MASP1: variants seen among roughly 807,000 people sequenced by gnomAD.
MASP1 encodes the protein mannan-binding lectin serine protease 1.
In MASP1, 59 loss-of-function variants were observed where a neutral mutation model predicts 77.1. The observed-to-expected ratio is 0.77, with a 90% CI of 0.62 to 0.95. The LOEUF is 0.95. Ranked by LOEUF, MASP1 falls within the 40% of genes least tolerant of loss-of-function variation. The pLI, the probability that MASP1 is intolerant of heterozygous loss-of-function variation, is 0.00. For synonymous variants in MASP1, 362 were observed against 354.5 expected (o/e 1.02, Z -0.24); for missense variants, 885 against 912.9 (o/e 0.97, Z 0.39).
chr3:187,227,118 A>G (rs1211896532), intron 11 of MASP1, among the ~76,000 whole-genome samples: 2 of 152,260 alleles, frequency 1.3e-5, no homozygotes, highest in East Asian at 1.9e-4. Flanking sequence ...ACCTATATCT[A>G]GACCATTTAT....
intron 15 of MASP1, chr3:187,220,298 C>T (rs756352356): frequency 1.3e-6 from 2 of 1,584,442 alleles, no homozygotes; most frequent in Admixed American, 1.7e-5. Context: ...GATAAAATGC[C>T]CCTTCCCAGC....
At chr3:187,289,897 T>C (rs1418517772) in intron 1 of MASP1, among the ~76,000 whole-genome samples, 1 of 152,230 alleles carries the variant, frequency 6.6e-6, no homozygotes, top group Non-Finnish European at 1.5e-5. Flanking sequence ...GAAACCCCCA[T>C]GAGACAGTGC....
At position 187,253,202 on chromosome 3, in the gene MASP1, C is replaced by G. The variant is rs752357767; in HGVS notation, c.858G>C (p.Glu286Asp). 3 of 1,614,170 alleles carry G rather than the reference C, an allele frequency of 1.9e-6. No homozygotes were observed. Among genetic ancestry groups the G allele is most frequent in the East Asian group, 4.5e-5 (2 of 44,876 alleles). The change falls in exon 6 of 11, where the codon GAG becomes GAC. Residue 286 changes from glutamate (E) to aspartate (D), a missense_variant. By Grantham distance (45) the Glu-to-Asp change is conservative. Coordinates refer to ENST00000296280, the MANE Select transcript of MASP1 (RefSeq NM_139125.4). Reference protein sequence around the residue: ...LILFHSDNSGENRGWRLSYRA... With the variant: ...LILFHSDNSGDNRGWRLSYRA... ...TGTATGAGAGCCTCCAGCCCCGGTT[C>G]TCTCCCGAGTTGTCACTATGGAACA...
intron 8 of MASP1, among the ~76,000 whole-genome samples, chr3:187,248,154 T>C (rs1714259010): frequency 2.0e-5 from 3 of 152,200 alleles, no homozygotes; most frequent in South Asian, 2.1e-4. Context: ...CAGCCTATTT[T>C]GGGAGAATAG....
chr3:187,253,110 C>A, intron 6 of MASP1, 58 bp downstream of exon 6: 5 of 1,608,580 alleles, frequency 3.1e-6, no homozygotes, highest in Non-Finnish European at 3.4e-6. Context: ...CCCTCAGCCA[C>A]TGCCTCTGCA....
At chr3:187,279,573 C>T (rs896908928) in intron 2 of MASP1, among the ~76,000 whole-genome samples, 1 of 152,196 alleles carries the variant, frequency 6.6e-6, no homozygotes, top group Non-Finnish European at 1.5e-5. Context: ...GGAGCACATG[C>T]TTAAACCCAA....
At chr3:187,291,021 G>A (rs1718281326) in intron 1 of MASP1, among the ~76,000 whole-genome samples, 1 of 150,682 alleles carries the variant, frequency 6.6e-6, no homozygotes, top group Non-Finnish European at 1.5e-5. Context: ...AGAGCCATTT[G>A]GTGTACTTCA....
rs145045070 is a variant in MASP1 at position 187,243,636 on chromosome 3, G to A, written c.1091-15C>T. ...ACAGTCTACAACTGAGAGAGAAGAA[G>A]TGAGACCCCTCAACTGCCTTTTGCT... On this transcript the variant is annotated splice_polypyrimidine_tract_variant and intron_variant, in intron 8 of 10. Transcript: ENST00000296280. 1.9e-6 allele frequency: 3 copies of A among 1,614,074 alleles called. No individual in the cohort carries two copies. Among genetic ancestry groups the A allele is most frequent in the East Asian group, 2.2e-5 (1 of 44,890 alleles).
At chr3:187,288,110 C>T (rs1033927869) in intron 1 of MASP1, among the ~76,000 whole-genome samples, 7 of 151,986 alleles carry the variant, frequency 4.6e-5, no homozygotes, top group African/African-American at 7.3e-5. Flanking sequence ...AAAGAAAATA[C>T]ATTTATTTAA....
chr3:187,273,664 C>G (rs1716715963), intron 2 of MASP1, among the ~76,000 whole-genome samples: 1 of 152,166 alleles, frequency 6.6e-6, no homozygotes, highest in Non-Finnish European at 1.5e-5. Context: ...CACCAGGTAG[C>G]TTTAATTTCA....
At chr3:187,277,591 G>A (rs1292221139) in intron 2 of MASP1, among the ~76,000 whole-genome samples, 1 of 152,086 alleles carries the variant, frequency 6.6e-6, no homozygotes, top group Non-Finnish European at 1.5e-5. Context: ...AACACAACAG[G>A]ACCCCTTCCA....
chr3:187,238,788 C>T (rs887108355), intron 10 of MASP1, among the ~76,000 whole-genome samples: 15 of 152,196 alleles, frequency 9.9e-5, no homozygotes, highest in African/African-American at 3.6e-4. Flanking sequence ...ATAGTTTTCT[C>T]ATTTATAAAA....
chr3:187,220,434 G>T (rs1326468484), intron 15 of MASP1, among the ~76,000 whole-genome samples: 1 of 151,482 alleles, frequency 6.6e-6, no homozygotes, highest in African/African-American at 2.4e-5. Context: ...GAGCTCAAAT[G>T]ATTCTAAAAA....
chr3:187,251,179 C>T (rs1175143394), intron 7 of MASP1, among the ~76,000 whole-genome samples: 1 of 152,150 alleles, frequency 6.6e-6, no homozygotes, highest in Admixed American at 6.5e-5. Flanking sequence ...AGGCTGGTCT[C>T]AAACTCCTGA....
At chr3:187,226,249 T>G in intron 12 of MASP1, 1 of 668,362 alleles carries the variant, frequency 1.5e-6, no homozygotes, top group African/African-American at 1.8e-5. Context: ...GAATCATATC[T>G]TGCACTTGGA....
At chr3:187,257,704 C>G (rs2108554247) in intron 4 of MASP1, among the ~76,000 whole-genome samples, 1 of 152,270 alleles carries the variant, frequency 6.6e-6, no homozygotes, top group South Asian at 2.1e-4. Context: ...ATTTTAAATT[C>G]AGCCTGAAGG....
chr3:187,238,674 T>C (rs958588707), intron 10 of MASP1, among the ~76,000 whole-genome samples: 5 of 152,204 alleles, frequency 3.3e-5, no homozygotes, highest in Non-Finnish European at 7.3e-5. Context: ...GGTAAAAAAA[T>C]GGCTCGGCAT....
chr3:187,221,051 A>C (rs1712031055), exon 15 of MASP1: 1 of 1,614,030 alleles, frequency 6.2e-7, no homozygotes. Flanking sequence ...TCTCCCCAGC[A>C]CAGATCATGT....
chr3:187,291,337 C>T, intron 1 of MASP1: 1 of 522,510 alleles, frequency 1.9e-6, no homozygotes. Flanking sequence ...TCACATTCGC[C>T]AGCAGGCAGC....
Sources: gnomAD v4.1 joint callset for allele counts (sites outside exome capture counted in the v4.1 genomes callset) on GRCh38, gnomAD v4.1.1 for gene constraint, MANE v1.5 for transcripts, NCBI Gene and HGNC (gene_info 2026-07-23, HGNC 2026-07-21) for gene names.